Variants in GSPT1 observed in about 807,000 individuals in gnomAD.
The protein encoded by GSPT1 is G1 to S phase transition 1, also known as eukaryotic peptide chain release factor GTP-binding subunit ERF3A.
A neutral mutation model predicts 72.5 loss-of-function variants in GSPT1; 20 were observed. That is an observed-to-expected ratio of 0.28 (90% CI 0.19 to 0.40). The LOEUF is 0.40. Among genes scored for constraint, GSPT1 ranks in the 10% least tolerant of loss-of-function variants. The pLI is 1.00. For synonymous variants in GSPT1, 334 were observed against 293.5 expected, an observed-to-expected ratio of 1.14 and a Z score of -1.41; for missense variants, 580 against 811.9, an observed-to-expected ratio of 0.71 and a Z score of 3.47.
rs375129094 is a variant in GSPT1, at chr16:11,883,598, TAA to T, written c.1348-505_1348-504del. Among the ~76,000 whole-genome samples the T allele has an allele frequency of 7.8e-3, 1,042 of 132,830 alleles. 13 individuals carry two copies. Among genetic ancestry groups the T allele is most frequent in the African/African-American group, 0.029 (1,006 of 34,278 alleles). 87.1% of individuals were successfully genotyped at this position (132,830 alleles called of 152,430 possible). A position where few individuals can be genotyped will look rare whatever the true frequency, so the allele number is the denominator to read the frequency against. ...CTGAACCACTCGACTCCAGCTTGGG[TAA>T]AAGAGCAAGACTCTGTCTCAAAAAA... is the stretch of plus-strand genomic sequence containing the variant. On this transcript the variant is annotated intron_variant, in intron 10 of 14. Coordinates refer to ENST00000434724, the MANE Select transcript of GSPT1 (RefSeq NM_002094.4).
chr16:11,875,214 G>A (rs1363844768), intron 14 of GSPT1, among the ~76,000 whole-genome samples: 1 of 147,324 alleles, frequency 6.8e-6, no homozygotes, highest in Non-Finnish European at 1.5e-5. Flanking sequence ...AAGGGAAGAG[G>A]AAAGGGAAAG....
At chr16:11,878,758 C>T (rs1202486179) in intron 11 of GSPT1, among the ~76,000 whole-genome samples, 2 of 152,036 alleles carry the variant, frequency 1.3e-5, no homozygotes, top group African/African-American at 2.4e-5. Flanking sequence ...AATTTACCAT[C>T]AGTGACATTT....
upstream of GSPT1, chr16:11,916,093 C>A: frequency 2.0e-6 from 1 of 489,674 alleles, no homozygotes. Flanking sequence ...GGCTATTTAG[C>A]GCGGCGGGAG....
At chr16:11,901,872 G>C (rs2054411321) in intron 1 of GSPT1, among the ~76,000 whole-genome samples, 1 of 151,868 alleles carries the variant, frequency 6.6e-6, no homozygotes, top group African/African-American at 2.4e-5. Context: ...GAGGCGGGCG[G>C]ATCACCTGAG....
rs1295216018 is a variant in GSPT1, at chr16:11,875,918, G to A, written c.1704C>T (p.Cys568=). The change falls in exon 14 of 15, where the codon TGC becomes TGT. Residue 568 remains cysteine, a synonymous_variant. Coordinates refer to ENST00000434724, the MANE Select transcript of GSPT1 (RefSeq NM_002094.4). ...IEEVEITALI[C]LVDKKSGEKS... is the part of the protein sequence containing the mutation. The stretch of plus-strand genomic sequence containing the variant: ...TTTCTCCTGATTTTTTGTCTACCAA[G>A]CAGATTAAGGCCTAACCAAGAAAAG... 2 of 1,612,120 alleles carry A rather than the reference G, an allele frequency of 1.2e-6. No homozygotes were observed. The highest frequency in any genetic ancestry group is 1.7e-6 in the Non-Finnish European group (2 of 1,179,128).
rs573717094 is a variant in GSPT1 at position 11,896,571 on chromosome 16, G to A, written c.651C>T (p.Phe217=). The A allele has an allele frequency of 1.3e-6, 2 of 1,592,268 alleles. No individual in the cohort carries two copies. The highest frequency in any genetic ancestry group is 2.2e-5 in the East Asian group (1 of 44,564). The part of the protein sequence containing the change: ...APKKEHVNVV[F]IGHVDAGKST... ...AGAGCAGCTTACCTACGTGCCCAAT[G>A]AATACTACATTTACATGCTCTTTCT... is the stretch of plus-strand genomic sequence containing the variant. Residue 217 remains phenylalanine (F), a synonymous_variant, in exon 4 of 15, where the codon TTC becomes TTT. Transcript: ENST00000434724.
intron 1 of GSPT1, among the ~76,000 whole-genome samples, chr16:11,907,580 G>C (rs1202921131): frequency 6.6e-6 from 1 of 151,262 alleles, no homozygotes; most frequent in Admixed American, 6.6e-5. Context: ...CACGCTAGTT[G>C]TAGTAATTAG....
chr16:11,915,687 C>G lies in GSPT1; in HGVS notation c.34G>C (p.Gly12Arg), dbSNP rs1238851193. Reference sequence around the variant, plus strand: ...CCGCTGCTGCTCCCGCCGCCGCCGCCGCCGCCGCCGCCGCCGCCACTGCCC... The same window carrying G: ...CCGCTGCTGCTCCCGCCGCCGCCGCGGCCGCCGCCGCCGCCGCCACTGCCC... ...DPGSGGGGGG[G>R]GGGGSSSGSS... The change falls in exon 1 of 15, where the codon GGC becomes CGC. Residue 12 changes from glycine to arginine, a missense_variant. By Grantham distance (125) the Gly-to-Arg change is moderately radical. Transcript: ENST00000434724. 1.3e-6 allele frequency: 2 copies of G among 1,482,482 alleles called. No homozygotes were observed. Among genetic ancestry groups the G allele is most frequent in the African/African-American group, 3.0e-5 (2 of 67,418 alleles). The allele number at this position is 1,482,482 out of a possible 1,614,324, so 91.8% of individuals were successfully genotyped here.
At chr16:11,898,395 C>T (rs1013807915) in intron 1 of GSPT1, among the ~76,000 whole-genome samples, 5 of 151,698 alleles carry the variant, frequency 3.3e-5, no homozygotes, top group Admixed American at 3.3e-4. Context: ...ATCTACTTCC[C>T]GTGATTCTCT....
chr16:11,883,471 A>AAAAAAAAAAAAAC (rs1487493663), intron 10 of GSPT1, among the ~76,000 whole-genome samples: 7 of 146,554 alleles, frequency 4.8e-5, no homozygotes, highest in Non-Finnish European at 1.0e-4. Flanking sequence ...AAAAAAAAAA[A>AAAAAAAAAAAAAC]AATTGCCAGG....
At position 11,874,454 on chromosome 16, in the gene GSPT1, C is replaced by CTTTTTTT. The variant is rs200991035; in HGVS notation, c.1862-1290_1862-1284dup. ...GTGGAAAACCTAAAAGCCAAGTTAG[C>CTTTTTTT]TTTTTTTTTTTTTTTTTTTTTTTTT... On this transcript the variant is annotated intron_variant, in intron 14 of 14. Transcript: ENST00000434724. Among the ~76,000 whole-genome samples the CTTTTTTT allele has an allele frequency of 2.5e-4, 24 of 95,928 alleles. 1 individual carries two copies. Among genetic ancestry groups the CTTTTTTT allele is most frequent in the African/African-American group, 4.2e-4 (10 of 23,828 alleles). The allele number at this position is 95,928 out of a possible 152,430, so 62.9% of individuals were successfully genotyped here. A position where few individuals can be genotyped will look rare whatever the true frequency, so the allele number is the denominator to read the frequency against.
intron 1 of GSPT1, among the ~76,000 whole-genome samples, chr16:11,911,645 C>T (rs866706638): frequency 2.7e-5 from 4 of 148,898 alleles, no homozygotes; most frequent in Middle Eastern, 7.0e-3. Context: ...CTCCGCCTCC[C>T]AGATTCAAGT....
intron 1 of GSPT1, among the ~76,000 whole-genome samples, chr16:11,914,478 G>A (rs1349965425): frequency 6.6e-6 from 1 of 152,118 alleles, no homozygotes; most frequent in African/African-American, 2.4e-5. Flanking sequence ...TACTAGCTAC[G>A]GTCAGAAAGA....
intron 1 of GSPT1, among the ~76,000 whole-genome samples, chr16:11,906,248 AT>A: frequency 6.6e-6 from 1 of 152,202 alleles, no homozygotes; most frequent in South Asian, 2.1e-4. Context: ...CCATCTGTAC[AT>A]TCATTGCATT....
At chr16:11,874,838 G>C (rs1005206658) in intron 14 of GSPT1, among the ~76,000 whole-genome samples, 1 of 152,118 alleles carries the variant, frequency 6.6e-6, no homozygotes, top group Non-Finnish European at 1.5e-5. Context: ...TATTTCAATG[G>C]AACTATAAAG....
At chr16:11,889,937 G>A (rs2054237213) in intron 6 of GSPT1, among the ~76,000 whole-genome samples, 1 of 151,512 alleles carries the variant, frequency 6.6e-6, no homozygotes, top group Non-Finnish European at 1.5e-5. Context: ...CACCGCGCCT[G>A]GCCCAATAAA....
intron 11 of GSPT1, among the ~76,000 whole-genome samples, chr16:11,880,640 T>C (rs1217000197): frequency 6.6e-6 from 1 of 152,196 alleles, no homozygotes; most frequent in African/African-American, 2.4e-5. Context: ...GTGGATTTGA[T>C]TTTTATTTCC....
chr16:11,892,821 TTC>T (rs2054284369), intron 5 of GSPT1, among the ~76,000 whole-genome samples: 4 of 73,440 alleles, frequency 5.4e-5, no homozygotes, highest in African/African-American at 7.3e-5. Flanking sequence ...GCGATAGAGA[TTC>T]TGTCTCAAAA....
At chr16:11,903,716 T>C (rs2054447373) in intron 1 of GSPT1, among the ~76,000 whole-genome samples, 1 of 152,192 alleles carries the variant, frequency 6.6e-6, no homozygotes, top group Non-Finnish European at 1.5e-5. Flanking sequence ...GTTTTAGAAC[T>C]ACATAGAATT....
Sources: allele counts gnomAD v4.1 joint callset (sites outside exome capture counted in the v4.1 genomes callset), GRCh38; gene constraint gnomAD v4.1.1; transcripts MANE v1.5; gene names NCBI Gene and HGNC (gene_info 2026-07-23, HGNC 2026-07-21).